ANO3: variants seen among roughly 807,000 people sequenced by gnomAD.
ANO3 encodes anoctamin-3.
In ANO3, 99 loss-of-function variants were observed where a neutral mutation model predicts 144.8. The ratio of observed to expected loss-of-function variants is 0.68; its 90% CI spans 0.58 to 0.81. The LOEUF (loss-of-function observed/expected upper bound fraction) is 0.81. Among genes scored for constraint, ANO3 ranks in the 30% least tolerant of loss-of-function variants. ANO3 has a pLI of 0.00. For synonymous variants in ANO3, 414 were observed against 392.6 expected (o/e 1.05, Z -0.64); for missense variants, 905 against 1,202.2 (o/e 0.75, Z 3.66).
At chr11:26,232,013 T>C (rs1852410149) in intron 1 of ANO3, among the ~76,000 whole-genome samples, 2 of 152,198 alleles carry the variant, frequency 1.3e-5, no homozygotes, top group Admixed American at 6.5e-5. Context: ...CAAGATGGCA[T>C]GTCAAAGTAA....
At chr11:26,288,122 C>T (rs1853850966) in intron 1 of ANO3, 1 of 152,886 alleles carries the variant, frequency 6.5e-6, no homozygotes, top group South Asian at 2.1e-4. Flanking sequence ...TCTGGAAAAT[C>T]AGAATGTCTG....
chr11:26,328,639 T>A (rs901390629), upstream of ANO3, among the ~76,000 whole-genome samples: 1 of 152,122 alleles, frequency 6.6e-6, no homozygotes, highest in African/African-American at 2.4e-5. Context: ...GCAGGGGGGC[T>A]GCAAAGTTAA....
At chr11:26,608,809 A>G (rs1041727411) in intron 17 of ANO3, among the ~76,000 whole-genome samples, 5 of 152,108 alleles carry the variant, frequency 3.3e-5, no homozygotes, top group Admixed American at 2.0e-4. Flanking sequence ...CCAGCACGGG[A>G]AAAGCACAGC....
chr11:26,533,117 A>G (rs986322759), intron 8 of ANO3, among the ~76,000 whole-genome samples: 2 of 152,180 alleles, frequency 1.3e-5, no homozygotes, highest in African/African-American at 4.8e-5. Context: ...AAATAGACAC[A>G]TGTGCATATT....
chr11:26,656,043 A>G (rs1319671360), intron 24 of ANO3, 82 bp from the exon 25 acceptor site: 3 of 1,128,892 alleles, frequency 2.7e-6, no homozygotes, highest in East Asian at 4.7e-5. Flanking sequence ...ATACATTTGT[A>G]AAATCCTGGC....
At chr11:26,570,780 T>TA (rs1850792961) in intron 14 of ANO3, among the ~76,000 whole-genome samples, 2 of 152,108 alleles carry the variant, frequency 1.3e-5, no homozygotes, top group Non-Finnish European at 2.9e-5. Flanking sequence ...ACTTGAGTGT[T>TA]ACTCTGAGTG....
chr11:26,505,032 A>T (rs1365287215), intron 4 of ANO3, among the ~76,000 whole-genome samples: 2 of 147,166 alleles, frequency 1.4e-5, no homozygotes, highest in East Asian at 2.0e-4. Context: ...AAAAAAAAAA[A>T]AAAAAAAGAA....
intron 14 of ANO3, among the ~76,000 whole-genome samples, chr11:26,591,358 A>G (rs1475200885): frequency 1.3e-5 from 2 of 152,180 alleles, no homozygotes; most frequent in Admixed American, 1.3e-4. Flanking sequence ...ACATCAGAGC[A>G]TGGGCTAGCA....
intron 1 of ANO3, among the ~76,000 whole-genome samples, chr11:26,260,677 T>A (rs946301659): frequency 6.6e-6 from 1 of 152,148 alleles, no homozygotes; most frequent in African/African-American, 2.4e-5. Flanking sequence ...AAACACTGAC[T>A]CTCAACCCCA....
chr11:26,635,098 G>C, intron 20 of ANO3, 28 bp downstream of exon 20: 1 of 1,606,628 alleles, frequency 6.2e-7, no homozygotes, highest in Non-Finnish European at 8.5e-7. Flanking sequence ...TGTGGGTGCA[G>C]GAATGGGCAT....
chr11:26,524,719 A>G (rs1849120016), intron 6 of ANO3, among the ~76,000 whole-genome samples: 1 of 152,130 alleles, frequency 6.6e-6, no homozygotes, highest in African/African-American at 2.4e-5. Flanking sequence ...AAAACACTCA[A>G]TATCTTCCCC....
intron 8 of ANO3, among the ~76,000 whole-genome samples, chr11:26,531,908 G>A (rs1019665396): frequency 1.3e-5 from 2 of 152,006 alleles, no homozygotes; most frequent in Admixed American, 6.6e-5. Flanking sequence ...CATCACACAG[G>A]TTGTGTATAT....
chr11:26,366,844 A>G (rs11029538), intron 1 of ANO3, among the ~76,000 whole-genome samples: 37,621 of 147,536 alleles, frequency 0.25, 5,389 homozygotes, highest in African/African-American at 0.39. Context: ...TTTCTTGTAA[A>G]TTTGTTTGAG....
chr11:26,435,200 G>A (rs1858251205), intron 1 of ANO3, among the ~76,000 whole-genome samples: 1 of 152,146 alleles, frequency 6.6e-6, no homozygotes, highest in Non-Finnish European at 1.5e-5. Context: ...ATCCGGATAT[G>A]AAATGCTTGG....
chr11:26,313,629 G>A (rs969468237), intron 1 of ANO3, among the ~76,000 whole-genome samples: 4 of 151,962 alleles, frequency 2.6e-5, no homozygotes, highest in African/African-American at 9.7e-5. Flanking sequence ...AGAGGTTGCA[G>A]TGAGCTGAGA....
intron 4 of ANO3, among the ~76,000 whole-genome samples, chr11:26,486,298 T>G (rs1590405793): frequency 6.8e-6 from 1 of 146,002 alleles, no homozygotes; most frequent in Non-Finnish European, 1.5e-5. Context: ...GAGGCGGAGG[T>G]TGCAGTGAGC....
chr11:26,244,813 T>C (rs1404615475), intron 1 of ANO3, among the ~76,000 whole-genome samples: 1 of 152,200 alleles, frequency 6.6e-6, no homozygotes, highest in African/African-American at 2.4e-5. Flanking sequence ...AATTTAACAC[T>C]ATTATTATCA....
At chr11:26,376,704 A>G (rs922653727) in intron 1 of ANO3, among the ~76,000 whole-genome samples, 1 of 152,086 alleles carries the variant, frequency 6.6e-6, no homozygotes, top group Non-Finnish European at 1.5e-5. Flanking sequence ...GTGATTGGTC[A>G]TGGATCCTGA....
At chr11:26,321,482 C>T (rs1166475725) in intron 1 of ANO3, among the ~76,000 whole-genome samples, 3 of 151,948 alleles carry the variant, frequency 2.0e-5, no homozygotes, top group Non-Finnish European at 2.9e-5. Context: ...GTATATTTTA[C>T]TCATAAATCT....
Sources: allele counts gnomAD v4.1 joint callset (sites outside exome capture counted in the v4.1 genomes callset), GRCh38; gene constraint gnomAD v4.1.1; transcripts MANE v1.5; gene names NCBI Gene and HGNC (gene_info 2026-07-23, HGNC 2026-07-21).